Variants in MARCHF1 observed in about 807,000 individuals in gnomAD.
MARCHF1 encodes membrane associated ring-CH-type finger 1, also known as E3 ubiquitin-protein ligase MARCHF1.
In MARCHF1, 40 loss-of-function variants were observed where a neutral mutation model predicts 54.2. The observed-to-expected ratio is 0.74, with a 90% CI of 0.57 to 0.96. MARCHF1 has a LOEUF of 0.96. Ranked by LOEUF, MARCHF1 falls within the 40% of genes least tolerant of loss-of-function variation. The pLI is 0.00. For missense variants in MARCHF1, 586 were observed against 656.5 expected (o/e 0.89, Z 1.17); for synonymous variants, 236 against 236.3 (o/e 1.00, Z 0.01).
At chr4:164,172,738 G>A (rs1362911891) in intron 1 of MARCHF1, among the ~76,000 whole-genome samples, 2 of 152,198 alleles carry the variant, frequency 1.3e-5, no homozygotes, top group Admixed American at 6.5e-5. Context: ...AGCACTTTGG[G>A]AGGCTGAGGC....
intron 4 of MARCHF1, among the ~76,000 whole-genome samples, chr4:163,756,657 A>G (rs1481909926): frequency 6.8e-6 from 1 of 146,484 alleles, no homozygotes; most frequent in Non-Finnish European, 1.5e-5. Flanking sequence ...AAAAAAAAAA[A>G]GGAAAAGACA....
intron 1 of MARCHF1, among the ~76,000 whole-genome samples, chr4:164,170,064 A>T (rs780544434): frequency 9.9e-5 from 15 of 152,120 alleles, no homozygotes; most frequent in Non-Finnish European, 5.9e-5. Context: ...ATTCTCAGCT[A>T]TCTTCCCACA....
intron 4 of MARCHF1, among the ~76,000 whole-genome samples, chr4:163,816,401 T>C (rs894451520): frequency 6.6e-6 from 1 of 151,700 alleles, no homozygotes; most frequent in African/African-American, 2.4e-5. Flanking sequence ...TTATAAATAG[T>C]ATTCAAGTTC....
chr4:164,050,928 G>C (rs1754351507), intron 2 of MARCHF1, among the ~76,000 whole-genome samples: 1 of 152,038 alleles, frequency 6.6e-6, no homozygotes, highest in African/African-American at 2.4e-5. Flanking sequence ...GCAAAACTCT[G>C]TCTCAATAAT....
chr4:164,332,221 A>G (rs1735451404), intron 1 of MARCHF1, among the ~76,000 whole-genome samples: 1 of 152,168 alleles, frequency 6.6e-6, no homozygotes, highest in African/African-American at 2.4e-5. Flanking sequence ...GAGCTTACAT[A>G]TCACCTAGAC....
intron 3 of MARCHF1, among the ~76,000 whole-genome samples, chr4:163,926,600 A>T (rs991015757): frequency 6.6e-6 from 1 of 151,620 alleles, no homozygotes; most frequent in Non-Finnish European, 1.5e-5. Context: ...CCAACATACC[A>T]TATGAGAATT....
chr4:163,996,833 A>G (rs1753085867), intron 2 of MARCHF1, among the ~76,000 whole-genome samples: 3 of 152,076 alleles, frequency 2.0e-5, no homozygotes, highest in Admixed American at 2.0e-4. Flanking sequence ...TTACTCTCCC[A>G]CAAATCAAGG....
intron 4 of MARCHF1, among the ~76,000 whole-genome samples, chr4:163,821,395 G>T (rs1418948449): frequency 6.6e-6 from 1 of 151,862 alleles, no homozygotes; most frequent in Non-Finnish European, 1.5e-5. Flanking sequence ...AACCATGTAT[G>T]GTTATTGCCT....
chr4:164,193,251 T>G (rs1731167658), intron 1 of MARCHF1, among the ~76,000 whole-genome samples: 1 of 151,958 alleles, frequency 6.6e-6, no homozygotes, highest in Admixed American at 6.6e-5. Context: ...AAGAGGACTC[T>G]CCTTGATTCC....
intron 1 of MARCHF1, among the ~76,000 whole-genome samples, chr4:164,232,456 A>G (rs552859334): frequency 1.3e-5 from 2 of 152,290 alleles, no homozygotes; most frequent in Non-Finnish European, 1.5e-5. Context: ...TATATAAGAC[A>G]GTGAACACTA....
At chr4:163,657,890 A>T (rs968013600) in intron 5 of MARCHF1, among the ~76,000 whole-genome samples, 3 of 152,062 alleles carry the variant, frequency 2.0e-5, no homozygotes, top group Non-Finnish European at 2.9e-5. Flanking sequence ...CCCCTTCTTT[A>T]CATGTTATAT....
At position 164,289,585 on chromosome 4, in the gene MARCHF1, G is replaced by GAA. The variant is rs71600697; in HGVS notation, c.-323+94283_-323+94284dup. On this transcript the variant is annotated intron_variant, in intron 1 of 9. Coordinates refer to ENST00000514618, the MANE Select transcript of MARCHF1 (RefSeq NM_001394959.1). ...ATGAGCTGCTAGAAATACTTAGATG[G>GAA]AAAAAAAAAAAAAAAAAAAACCTGT... Among the ~76,000 whole-genome samples the GAA allele has an allele frequency of 1.4e-3, 190 of 131,116 alleles. 1 individual carries two copies. In the East Asian group the frequency reaches 0.016, roughly 11 times the overall value. 86.0% of individuals were successfully genotyped at this position (131,116 alleles called of 152,430 possible).
chr4:163,547,463 C>A (rs28714383), intron 8 of MARCHF1, among the ~76,000 whole-genome samples: 2 of 152,158 alleles, frequency 1.3e-5, no homozygotes, highest in African/African-American at 4.8e-5. Flanking sequence ...TCCTTTCCTT[C>A]ATTTTCTGCT....
At chr4:164,357,549 T>G (rs2110913173) in intron 1 of MARCHF1, among the ~76,000 whole-genome samples, 1 of 152,260 alleles carries the variant, frequency 6.6e-6, no homozygotes, top group South Asian at 2.1e-4. Context: ...AGATGAAGGT[T>G]TTGAATTAGG....
chr4:164,266,000 T>G (rs1733601615), intron 1 of MARCHF1, among the ~76,000 whole-genome samples: 1 of 152,186 alleles, frequency 6.6e-6, no homozygotes, highest in Admixed American at 6.5e-5. Context: ...AAGACTGTAA[T>G]TACATGCAAG....
chr4:163,728,512 C>CA (rs1313337845), intron 4 of MARCHF1, among the ~76,000 whole-genome samples: 2 of 152,090 alleles, frequency 1.3e-5, no homozygotes, highest in African/African-American at 4.8e-5. Flanking sequence ...TCTTCCCCCC[C>CA]ATACTTTTGT....
intron 4 of MARCHF1, among the ~76,000 whole-genome samples, chr4:163,755,085 T>C (rs1490601188): frequency 1.3e-5 from 2 of 152,170 alleles, no homozygotes; most frequent in African/African-American, 4.8e-5. Context: ...GTGGTGGTGG[T>C]GCCACCTAGT....
At chr4:163,928,538 T>C (rs11727088) in intron 3 of MARCHF1, among the ~76,000 whole-genome samples, 17,779 of 151,948 alleles carry the variant, frequency 0.12, 1,091 homozygotes, top group Non-Finnish European at 0.13. Flanking sequence ...CAGAATGTAA[T>C]TGACTTGAGG....
At chr4:164,162,841 G>A (rs1279703192) in intron 1 of MARCHF1, among the ~76,000 whole-genome samples, 1 of 152,086 alleles carries the variant, frequency 6.6e-6, no homozygotes, top group Non-Finnish European at 1.5e-5. Context: ...TGAAAAAAGA[G>A]CAGGACGTAT....
Sources: gnomAD v4.1 joint callset for allele counts (sites outside exome capture counted in the v4.1 genomes callset) on GRCh38, gnomAD v4.1.1 for gene constraint, MANE v1.5 for transcripts, NCBI Gene and HGNC (gene_info 2026-07-23, HGNC 2026-07-21) for gene names.